The following ERICH3 variants were observed in gnomAD, a reference collection of about 807,000 sequenced individuals.
ERICH3 encodes the protein glutamate-rich protein 3.
ERICH3 carries 126 observed loss-of-function variants against 131.1 expected under a neutral mutation model. The observed-to-expected ratio is 0.96, with a 90% CI of 0.83 to 1.11. ERICH3 has a LOEUF of 1.11. Ranked by LOEUF, ERICH3 falls within the 50% of genes most tolerant of loss-of-function variation. The pLI is 0.00. For missense variants in ERICH3, 2,050 were observed against 1,810.7 expected, an observed-to-expected ratio of 1.13 and a Z score of -2.40; for synonymous variants, 695 against 644.6, an observed-to-expected ratio of 1.08 and a Z score of -1.18.
chr1:74,600,457 C>T (rs933598357), intron 10 of ERICH3, among the ~76,000 whole-genome samples: 8 of 151,578 alleles, frequency 5.3e-5, no homozygotes, highest in African/African-American at 1.5e-4. Context: ...AACAAATGGA[C>T]ATCAAGAAAA....
At chr1:74,621,620 C>T (rs957041886) in intron 7 of ERICH3, 5 of 152,118 alleles carry the variant, frequency 3.3e-5, no homozygotes, top group Non-Finnish European at 5.9e-5. Context: ...ACTACAAAAA[C>T]CTATTTGATA....
intron 1 of ERICH3, among the ~76,000 whole-genome samples, chr1:74,671,890 G>C (rs933856587): frequency 1.3e-5 from 2 of 152,094 alleles, no homozygotes; most frequent in Non-Finnish European, 2.9e-5. Context: ...ATACAATATG[G>C]TGCCTACTTT....
chr1:74,606,868 A>T lies in ERICH3; in HGVS notation c.1222T>A (p.Ser408Thr), dbSNP rs1156970572. The T allele has an allele frequency of 6.2e-7, 1 of 1,611,798 alleles. No individual in the cohort carries two copies. The highest frequency in any genetic ancestry group is 2.2e-5 in the East Asian group (1 of 44,824). Residue 408 changes from serine to threonine, a missense_variant, in exon 10 of 15, where the codon TCT (serine) becomes ACT (threonine). Physicochemically the swap from Ser to Thr is moderately conservative, Grantham distance 58. Coordinates refer to ENST00000326665, the MANE Select transcript of ERICH3 (RefSeq NM_001002912.5). The part of the protein sequence containing the change: ...IIAMGLDKKP[S>T]LPKSRKEKST... Reference sequence around the variant, plus strand: ...TTTTCTTTCCTAGATTTCGGCAAAGACGGTTTTTTGTCAAGGCCCATTGCA... The same window carrying T: ...TTTTCTTTCCTAGATTTCGGCAAAGTCGGTTTTTTGTCAAGGCCCATTGCA...
At chr1:74,664,999 C>T (rs930749989) in intron 1 of ERICH3, among the ~76,000 whole-genome samples, 1 of 152,092 alleles carries the variant, frequency 6.6e-6, no homozygotes, top group Non-Finnish European at 1.5e-5. Flanking sequence ...CTGTATCACC[C>T]CAAAATTCAT....
intron 5 of ERICH3, among the ~76,000 whole-genome samples, chr1:74,640,436 G>A (rs1400890432): frequency 1.3e-5 from 2 of 152,088 alleles, no homozygotes; most frequent in Admixed American, 6.6e-5. Context: ...AACACTATAT[G>A]TGATGAACCT....
rs746755928 is a variant in ERICH3, at chr1:74,572,386, TTC to T, written c.3322_3323del (p.Glu1108SerfsTer4). Reference sequence around the variant, plus strand: ...CTTTTGTCTCTTCCTCAGCTCTTACTTCTGTCTCTGTTTCCCCTTCTTCCGCT... The same window carrying T: ...CTTTTGTCTCTTCCTCAGCTCTTACTTGTCTCTGTTTCCCCTTCTTCCGCT... ...LKAEEGETETEVRAEEETKAP... is the reference protein window; with the variant it reads ...LKAEEGETETXVRAEEETKAP... On this transcript the variant is annotated frameshift_variant, in exon 14 of 15. Transcript: ENST00000326665. LOFTEE classifies it high-confidence loss of function. 2 of 1,613,854 alleles carry T rather than the reference TTC, an allele frequency of 1.2e-6. No homozygotes were observed. The highest frequency in any genetic ancestry group is 1.7e-6 in the Non-Finnish European group (2 of 1,180,018).
intron 6 of ERICH3, chr1:74,634,740 T>G (rs908649072): frequency 2.2e-5 from 15 of 690,326 alleles, no homozygotes; most frequent in Admixed American, 2.1e-4. Flanking sequence ...CTTTGAGTAT[T>G]TCTAGTCCTA....
chr1:74,624,218 A>G (rs1007609273), intron 7 of ERICH3: 7 of 152,216 alleles, frequency 4.6e-5, no homozygotes, highest in African/African-American at 1.4e-4. Context: ...CCAGAACAGG[A>G]AAACTGATTC....
chr1:74,608,400 G>T (rs1303815981), intron 9 of ERICH3, among the ~76,000 whole-genome samples: 3 of 151,940 alleles, frequency 2.0e-5, no homozygotes, highest in African/African-American at 7.2e-5. Flanking sequence ...TAGTGGGCAG[G>T]TGAAAGGGAT....
intron 1 of ERICH3, among the ~76,000 whole-genome samples, chr1:74,667,358 T>C (rs1455924715): frequency 6.6e-6 from 1 of 152,226 alleles, no homozygotes; most frequent in East Asian, 1.9e-4. Context: ...CTGACTGACA[T>C]GTATGGAGTC....
chr1:74,598,767 T>C (rs1447749850), intron 11 of ERICH3, among the ~76,000 whole-genome samples: 2 of 151,820 alleles, frequency 1.3e-5, no homozygotes, highest in East Asian at 3.9e-4. Context: ...TCCAGGTGAG[T>C]GGGTGTATCA....
At chr1:74,640,979 G>A (rs945856896) in intron 5 of ERICH3, among the ~76,000 whole-genome samples, 3 of 152,094 alleles carry the variant, frequency 2.0e-5, no homozygotes, top group Non-Finnish European at 4.4e-5. Context: ...ATTTGGAATA[G>A]CTAATTTGAG....
chr1:74,568,234 A>C lies in ERICH3; in HGVS notation c.*2224T>G, dbSNP rs972926274. 2 of 152,172 alleles carry C rather than the reference A, an allele frequency of 1.3e-5. No homozygotes were observed. The highest frequency in any genetic ancestry group is 2.9e-5 in the Non-Finnish European group (2 of 68,000). 9.4% of individuals were successfully genotyped at this position (152,172 alleles called of 1,614,324 possible). ...TGCAGAGAAAGAATTCACTTATTCA[A>C]AATATCACAATACTGAATTTCACAG... On this transcript the variant is annotated 3_prime_UTR_variant, in exon 15 of 15. Coordinates refer to ENST00000326665, the MANE Select transcript of ERICH3 (RefSeq NM_001002912.5).
At chr1:74,642,269 T>C (rs1028962812) in intron 4 of ERICH3, among the ~76,000 whole-genome samples, 3 of 152,116 alleles carry the variant, frequency 2.0e-5, no homozygotes, top group Non-Finnish European at 4.4e-5. Flanking sequence ...GGGTGAAAAA[T>C]TACTGTCTTT....
chr1:74,609,765 T>C (rs958977915), intron 9 of ERICH3, among the ~76,000 whole-genome samples: 1 of 152,128 alleles, frequency 6.6e-6, no homozygotes, highest in African/African-American at 2.4e-5. Context: ...CATTCTTCTA[T>C]AAGAACTGTG....
At chr1:74,636,843 G>C (rs528764351) in intron 5 of ERICH3, among the ~76,000 whole-genome samples, 1 of 152,222 alleles carries the variant, frequency 6.6e-6, no homozygotes, top group Non-Finnish European at 1.5e-5. Context: ...ACTCATTTCT[G>C]TCTAAATGTC....
chr1:74,645,266 C>A lies in ERICH3; in HGVS notation c.243+1401G>T, dbSNP rs577788805. Reference sequence around the variant, plus strand: ...CAGCCTCATACTGGCACATGGTAAACCTGCAATTATGGCTTGTTGCATGAG... The same window carrying A: ...CAGCCTCATACTGGCACATGGTAAAACTGCAATTATGGCTTGTTGCATGAG... On this transcript the variant is annotated intron_variant, in intron 3 of 14. Coordinates refer to ENST00000326665, the MANE Select transcript of ERICH3 (RefSeq NM_001002912.5). 3.6e-3 allele frequency among the ~76,000 whole-genome samples: 546 copies of A among 152,066 alleles called. 4 individuals carry two copies. The highest frequency in any genetic ancestry group is 0.024 in the Middle Eastern group (7 of 294).
rs1044000910 is a variant in ERICH3 at position 74,639,068 on chromosome 1, C to G, written c.444+2263G>C. ...TAAAGCAGGATTTGGTTTAAAGAAA[C>G]AAAAAATAAGCCTATATGGTCCAAA... On this transcript the variant is annotated intron_variant, in intron 5 of 14. Coordinates refer to ENST00000326665, the MANE Select transcript of ERICH3 (RefSeq NM_001002912.5). Among the ~76,000 whole-genome samples the G allele has an allele frequency of 2.0e-5, 3 of 151,852 alleles. No homozygotes were observed. The South Asian group carries it at 6.2e-4, about 32-fold the overall frequency.
intron 12 of ERICH3, among the ~76,000 whole-genome samples, chr1:74,587,108 G>A (rs1453729626): frequency 6.6e-6 from 1 of 151,974 alleles, no homozygotes; most frequent in Non-Finnish European, 1.5e-5. Flanking sequence ...GGTGGATCAC[G>A]TGGTCAAGAG....
Sources: gnomAD v4.1 joint callset for allele counts (sites outside exome capture counted in the v4.1 genomes callset) on GRCh38, gnomAD v4.1.1 for gene constraint, MANE v1.5 for transcripts, NCBI Gene and HGNC (gene_info 2026-07-23, HGNC 2026-07-21) for gene names.